Variants in ERBB4 observed in about 807,000 individuals in gnomAD.
The protein encoded by ERBB4 is erb-b2 receptor tyrosine kinase 4.
In ERBB4, 42 loss-of-function variants were observed where a neutral mutation model predicts 158.0. The ratio of observed to expected loss-of-function variants is 0.27; its 90% CI spans 0.21 to 0.34. The LOEUF (loss-of-function observed/expected upper bound fraction) is 0.34, where lower values mean the gene tolerates loss of function less well. Ranked by LOEUF, ERBB4 falls within the 10% of genes least tolerant of loss-of-function variation. The pLI is 1.00. For synonymous variants in ERBB4, 583 were observed against 558.7 expected (o/e 1.04, Z -0.61); for missense variants, 1,333 against 1,624.1 (o/e 0.82, Z 3.08).
chr2:212,023,790 T>C (rs939854021), intron 2 of ERBB4, among the ~76,000 whole-genome samples: 3 of 151,984 alleles, frequency 2.0e-5, no homozygotes, highest in Non-Finnish European at 4.4e-5. Context: ...ATGGGTGTCT[T>C]TGAACGGTAG....
Position 211,665,503 on chromosome 2 carries a change from G to GAA in ERBB4, c.1717-28_1717-27dup, listed in dbSNP as rs752729008. The GAA allele has an allele frequency of 5.0e-6, 8 of 1,608,856 alleles. 1 individual carries two copies. The highest frequency in any genetic ancestry group is 2.2e-5 in the East Asian group (1 of 44,804). On this transcript the variant is annotated intron_variant, in intron 14 of 27. Coordinates refer to ENST00000342788, the MANE Select transcript of ERBB4 (RefSeq NM_005235.3). Reference sequence around the variant, plus strand: ...CTGAAATGTGAAAACGAAAAAAAAAGAAAAAAGAAAAGTGGTGTCATTTCC... The same window carrying GAA: ...CTGAAATGTGAAAACGAAAAAAAAAGAAAAAAAAGAAAAGTGGTGTCATTTCC...
chr2:212,307,728 T>C lies in ERBB4; in HGVS notation c.83-182825A>G, dbSNP rs567186735. 2.0e-5 allele frequency among the ~76,000 whole-genome samples: 3 copies of C among 151,316 alleles called. No individual in the cohort carries two copies. In the South Asian group the frequency reaches 6.2e-4, roughly 31 times the overall value. Reference sequence around the variant, plus strand: ...ACACCATATGAGATTGAGATCACAGTCTAGTGTTTAAAATACAGAGATTTC... The same window carrying C: ...ACACCATATGAGATTGAGATCACAGCCTAGTGTTTAAAATACAGAGATTTC... On this transcript the variant is annotated intron_variant, in intron 1 of 27. Transcript: ENST00000342788.
At chr2:211,879,868 G>C (rs903265382) in intron 3 of ERBB4, among the ~76,000 whole-genome samples, 1 of 151,882 alleles carries the variant, frequency 6.6e-6, no homozygotes, top group African/African-American at 2.4e-5. Context: ...TAATTGGAAA[G>C]AGATATATTC....
chr2:211,905,988 G>A (rs1029804285), intron 3 of ERBB4, among the ~76,000 whole-genome samples: 2 of 151,730 alleles, frequency 1.3e-5, no homozygotes, highest in Admixed American at 6.6e-5. Flanking sequence ...GAAAGGGAGA[G>A]AGGGGAAAAG....
At chr2:211,692,663 G>A (rs1307850845) in intron 12 of ERBB4, among the ~76,000 whole-genome samples, 2 of 151,952 alleles carry the variant, frequency 1.3e-5, no homozygotes, top group African/African-American at 2.4e-5. Flanking sequence ...TTTCCTTTAC[G>A]GTAGTCAAAC....
intron 1 of ERBB4, among the ~76,000 whole-genome samples, chr2:212,339,622 C>T (rs528010449): frequency 6.6e-6 from 1 of 152,216 alleles, no homozygotes; most frequent in Admixed American, 6.5e-5. Flanking sequence ...CCCTCTGTTT[C>T]TTTCACTGAG....
At chr2:211,560,084 C>T (rs1180561679) in intron 20 of ERBB4, among the ~76,000 whole-genome samples, 4 of 151,964 alleles carry the variant, frequency 2.6e-5, no homozygotes, top group African/African-American at 9.7e-5. Flanking sequence ...TAGGGGATGG[C>T]ATTTGCAAAG....
intron 3 of ERBB4, among the ~76,000 whole-genome samples, chr2:211,836,114 C>T (rs1013375862): frequency 6.6e-6 from 1 of 151,952 alleles, no homozygotes; most frequent in Non-Finnish European, 1.5e-5. Flanking sequence ...TATATCTTGC[C>T]TTCTTGATGG....
chr2:212,277,896 G>A (rs1481147803), intron 1 of ERBB4, among the ~76,000 whole-genome samples: 3 of 151,332 alleles, frequency 2.0e-5, no homozygotes, highest in Non-Finnish European at 4.4e-5. Context: ...TTATATTTTG[G>A]AAATTACATA....
intron 1 of ERBB4, among the ~76,000 whole-genome samples, chr2:212,490,511 A>G (rs909805063): frequency 6.6e-6 from 1 of 151,812 alleles, no homozygotes; most frequent in Admixed American, 6.6e-5. Context: ...TTTTTACTCT[A>G]GAGTTAAAAA....
chr2:212,010,174 T>A (rs2076350854), intron 2 of ERBB4, among the ~76,000 whole-genome samples: 1 of 152,084 alleles, frequency 6.6e-6, no homozygotes, highest in African/African-American at 2.4e-5. Flanking sequence ...TGTTACAGGA[T>A]TTATCACAAA....
intron 20 of ERBB4, among the ~76,000 whole-genome samples, chr2:211,549,452 C>T (rs906290067): frequency 2.6e-5 from 4 of 151,978 alleles, no homozygotes; most frequent in African/African-American, 7.2e-5. Context: ...CAAAAGTGCT[C>T]GGCTTCTCAA....
At position 211,782,213 on chromosome 2, in the gene ERBB4, T is replaced by C. The variant is rs563364804; in HGVS notation, c.556+5812A>G. 2.6e-5 allele frequency among the ~76,000 whole-genome samples: 4 copies of C among 152,282 alleles called. No individual in the cohort carries two copies. In the East Asian group the frequency reaches 7.7e-4, roughly 29 times the overall value. On this transcript the variant is annotated intron_variant, in intron 4 of 27. Coordinates refer to ENST00000342788, the MANE Select transcript of ERBB4 (RefSeq NM_005235.3). ...CATAAAACTTTCAGAACCATTTTTT[T>C]TGCCACTCCCTCCTCAGTGAAACAA...
At chr2:212,395,373 T>A (rs1324700424) in intron 1 of ERBB4, among the ~76,000 whole-genome samples, 1 of 151,758 alleles carries the variant, frequency 6.6e-6, no homozygotes, top group Non-Finnish European at 1.5e-5. Context: ...GGCTGTGAGC[T>A]TATAAGCATT....
At chr2:212,291,114 T>C (rs979482208) in intron 1 of ERBB4, among the ~76,000 whole-genome samples, 1 of 152,080 alleles carries the variant, frequency 6.6e-6, no homozygotes, top group African/African-American at 2.4e-5. Context: ...GAGCTGTGCC[T>C]CAGCAATGTA....
chr2:212,214,816 C>T (rs2083047990), intron 1 of ERBB4, among the ~76,000 whole-genome samples: 1 of 151,746 alleles, frequency 6.6e-6, no homozygotes, highest in African/African-American at 2.4e-5. Context: ...ATGTTCATTG[C>T]TCTACTGTTT....
chr2:211,516,059 C>T (rs1488633776), intron 20 of ERBB4, among the ~76,000 whole-genome samples: 15 of 149,976 alleles, frequency 1.0e-4, no homozygotes, highest in African/African-American at 3.4e-4. Context: ...GGACTACAGG[C>T]GCCCGCCACC....
chr2:212,286,608 T>TGTTTTG lies in ERBB4; in HGVS notation c.83-161706_83-161705insCAAAAC, dbSNP rs1374258377. On this transcript the variant is annotated intron_variant, in intron 1 of 27. Coordinates refer to ENST00000342788, the MANE Select transcript of ERBB4 (RefSeq NM_005235.3). The stretch of plus-strand genomic sequence containing the variant: ...ATAAGTGCTGACTTTTTTTTTTTTT[T>TGTTTTG]TTTTTTTTTTTTGACACAGAGTCTC... Among the ~76,000 whole-genome samples, 97 of 121,622 alleles carry TGTTTTG rather than the reference T, an allele frequency of 8.0e-4. 1 individual carries two copies. Among genetic ancestry groups the TGTTTTG allele is most frequent in the Middle Eastern group, 4.2e-3 (1 of 236 alleles). 79.8% of individuals were successfully genotyped at this position (121,622 alleles called of 152,430 possible). A position where few individuals can be genotyped will look rare whatever the true frequency, so the allele number is the denominator to read the frequency against.
chr2:211,609,527 AT>A (rs2069113518), intron 19 of ERBB4, among the ~76,000 whole-genome samples: 1 of 152,164 alleles, frequency 6.6e-6, no homozygotes, highest in South Asian at 2.1e-4. Context: ...CATTAAATAC[AT>A]TTTAAAGTCT....
Sources: allele counts gnomAD v4.1 joint callset (sites outside exome capture counted in the v4.1 genomes callset), GRCh38; gene constraint gnomAD v4.1.1; transcripts MANE v1.5; gene names NCBI Gene and HGNC (gene_info 2026-07-23, HGNC 2026-07-21).